The following PRKCE variants were observed in gnomAD, a reference collection of about 807,000 sequenced individuals.
PRKCE encodes the protein protein kinase C epsilon type.
PRKCE carries 16 observed loss-of-function variants against 85.4 expected under a neutral mutation model. The observed-to-expected ratio is 0.19, with a 90% confidence interval of 0.13 to 0.28. The LOEUF (loss-of-function observed/expected upper bound fraction) is 0.28. Ranked by LOEUF, PRKCE falls within the 10% of genes least tolerant of loss-of-function variation. The pLI, the probability that PRKCE is intolerant of heterozygous loss-of-function variation, is 1.00. For missense variants in PRKCE, 573 were observed against 975.2 expected (o/e 0.59, Z 5.49); for synonymous variants, 388 against 371.5 (o/e 1.04, Z -0.51).
intron 1 of PRKCE, among the ~76,000 whole-genome samples, chr2:45,694,814 A>G (rs1355924661): frequency 6.6e-6 from 1 of 152,194 alleles, no homozygotes; most frequent in African/African-American, 2.4e-5. Flanking sequence ...CTGGGGGTGG[A>G]TGGTAATCAG....
At chr2:45,759,199 G>T (rs930100305) in intron 1 of PRKCE, among the ~76,000 whole-genome samples, 3 of 152,176 alleles carry the variant, frequency 2.0e-5, no homozygotes, top group Non-Finnish European at 4.4e-5. Flanking sequence ...CCAGAACAAG[G>T]CAGTATTGAT....
At position 46,184,603 on chromosome 2, in the gene PRKCE, C is replaced by A; in HGVS notation, c.2068-132C>A. On this transcript the variant is annotated intron_variant, in intron 14 of 14. Coordinates refer to ENST00000306156, the MANE Select transcript of PRKCE (RefSeq NM_005400.3). The surrounding 1 kb of genome is among the most constrained non-coding windows in gnomAD (Gnocchi z 5.0). Reference sequence around the variant, plus strand: ...CATCGTTACCTCATCGGGACAGCCCCGTGTCTGCTGTCTGTTGGTAGCTAG... The same window carrying A: ...CATCGTTACCTCATCGGGACAGCCCAGTGTCTGCTGTCTGTTGGTAGCTAG... The A allele has an allele frequency of 4.3e-6, 5 of 1,151,564 alleles. No individual in the cohort carries two copies. Among genetic ancestry groups the A allele is most frequent in the East Asian group, 2.4e-5 (1 of 42,416 alleles). The allele number at this position is 1,151,564 out of a possible 1,614,324, so 71.3% of individuals were successfully genotyped here.
intron 10 of PRKCE, among the ~76,000 whole-genome samples, chr2:46,046,566 G>A (rs530537455): frequency 6.6e-6 from 1 of 152,178 alleles, no homozygotes. Context: ...ATTGAAAAAT[G>A]GAAAAATTTA....
At chr2:45,801,081 G>A (rs752319186) in intron 1 of PRKCE, among the ~76,000 whole-genome samples, 1 of 152,182 alleles carries the variant, frequency 6.6e-6, no homozygotes, top group Non-Finnish European at 1.5e-5. Flanking sequence ...AGAGGTGGTG[G>A]CAGCACTGGA....
intron 11 of PRKCE, among the ~76,000 whole-genome samples, chr2:46,111,763 G>T (rs1167817215): frequency 6.6e-6 from 1 of 152,164 alleles, no homozygotes; most frequent in Non-Finnish European, 1.5e-5. Flanking sequence ...TCCACCTGCT[G>T]CTGTAAATAT....
intron 13 of PRKCE, among the ~76,000 whole-genome samples, chr2:46,151,733 C>A (rs2104528164): frequency 6.6e-6 from 1 of 152,376 alleles, no homozygotes; most frequent in East Asian, 1.9e-4. Context: ...CAGAAAAGAT[C>A]TGGTACACTG....
chr2:45,832,688 A>T (rs1690533327), intron 1 of PRKCE, among the ~76,000 whole-genome samples: 1 of 152,160 alleles, frequency 6.6e-6, no homozygotes. Flanking sequence ...GATCTCCCAG[A>T]GCTCAGGCTG....
At chr2:46,169,561 G>A (rs1411918472) in intron 14 of PRKCE, among the ~76,000 whole-genome samples, 1 of 152,190 alleles carries the variant, frequency 6.6e-6, no homozygotes, top group Non-Finnish European at 1.5e-5. Flanking sequence ...GGCTAGGCCA[G>A]GGAACTATGA....
chr2:45,965,653 GT>G lies in PRKCE; in HGVS notation c.413-10774del, dbSNP rs144555734. 3.9e-5 allele frequency among the ~76,000 whole-genome samples: 6 copies of G among 152,334 alleles called. No homozygotes were observed. In the East Asian group the frequency reaches 1.2e-3, roughly 29 times the overall value. On this transcript the variant is annotated intron_variant, in intron 2 of 14. Coordinates refer to ENST00000306156, the MANE Select transcript of PRKCE (RefSeq NM_005400.3). ...AACAAAATTGAGGGAGTAGCCATGG[GT>G]TATCCCTTTGTGCCTAGAACATTGC...
intron 1 of PRKCE, among the ~76,000 whole-genome samples, chr2:45,687,122 C>G (rs1417976994): frequency 6.6e-6 from 1 of 151,892 alleles, no homozygotes; most frequent in Non-Finnish European, 1.5e-5. Context: ...CAAAACAAAA[C>G]AAGCAGGTTT....
intron 2 of PRKCE, among the ~76,000 whole-genome samples, chr2:45,914,899 C>G (rs1203649149): frequency 6.6e-6 from 1 of 152,106 alleles, no homozygotes; most frequent in African/African-American, 2.4e-5. Flanking sequence ...CTATCAACTG[C>G]TGAAAAAAAG....
At chr2:45,699,268 G>C (rs536506793) in intron 1 of PRKCE, among the ~76,000 whole-genome samples, 2 of 152,232 alleles carry the variant, frequency 1.3e-5, no homozygotes, top group South Asian at 2.1e-4. Context: ...ACGGACCTCT[G>C]CTGGGACACT....
chr2:45,814,434 C>T (rs1211314098), intron 1 of PRKCE, among the ~76,000 whole-genome samples: 2 of 152,312 alleles, frequency 1.3e-5, no homozygotes, highest in African/African-American at 2.4e-5. Flanking sequence ...CAGAGCCTTA[C>T]CTCTGTCCTG....
At chr2:45,838,241 C>T (rs936362750) in intron 1 of PRKCE, among the ~76,000 whole-genome samples, 5 of 152,188 alleles carry the variant, frequency 3.3e-5, no homozygotes, top group Admixed American at 2.6e-4. Flanking sequence ...GACTGCACCT[C>T]GGACTGGATT....
At chr2:45,730,725 G>T (rs1208160540) in intron 1 of PRKCE, among the ~76,000 whole-genome samples, 3 of 152,068 alleles carry the variant, frequency 2.0e-5, no homozygotes, top group East Asian at 3.9e-4. Context: ...CTCCCAAAGT[G>T]CTAGGATTAC....
chr2:45,864,936 C>G (rs1693464648), intron 2 of PRKCE, among the ~76,000 whole-genome samples: 1 of 152,204 alleles, frequency 6.6e-6, no homozygotes, highest in Non-Finnish European at 1.5e-5. Flanking sequence ...TCCACCTTCA[C>G]AATTTCTGAT....
chr2:45,850,985 T>G (rs1692204388), intron 2 of PRKCE, among the ~76,000 whole-genome samples: 1 of 152,354 alleles, frequency 6.6e-6, no homozygotes, highest in South Asian at 2.1e-4. Flanking sequence ...AATAGACCAG[T>G]AAGCATCATC....
chr2:46,100,726 A>G (rs1463506706), intron 11 of PRKCE, among the ~76,000 whole-genome samples: 5 of 152,260 alleles, frequency 3.3e-5, no homozygotes, highest in Non-Finnish European at 7.3e-5. Context: ...ACATTCATTT[A>G]TTCACTCAAC....
chr2:45,921,428 C>T (rs1246484590), intron 2 of PRKCE, among the ~76,000 whole-genome samples: 1 of 152,234 alleles, frequency 6.6e-6, no homozygotes, highest in East Asian at 1.9e-4. Flanking sequence ...CTTTCATGAG[C>T]ACTTGCGTGC....
Sources: allele counts gnomAD v4.1 joint callset (sites outside exome capture counted in the v4.1 genomes callset), GRCh38; gene constraint gnomAD v4.1.1; non-coding constraint Gnocchi (gnomAD v3.1); transcripts MANE v1.5; gene names NCBI Gene and HGNC (gene_info 2026-07-23, HGNC 2026-07-21).